AFG2A: variants seen among roughly 807,000 people sequenced by gnomAD.
The protein encoded by AFG2A is ATPase family gene 2 protein homolog A.
At chr4:123,193,997 A>G in the AFG2A span, among the ~76,000 whole-genome samples, 3 of 152,234 alleles carry the variant, frequency 2.0e-5, no homozygotes, top group Non-Finnish European at 4.4e-5. Context: ...TTGAAAGGAA[A>G]GGTATTGTGT....
chr4:123,148,769 ATT>A, the AFG2A span, among the ~76,000 whole-genome samples: 11 of 136,814 alleles, frequency 8.0e-5, no homozygotes, highest in Admixed American at 7.4e-5. Context: ...CACACACTCT[ATT>A]TTTTTTTTTT....
At chr4:123,139,119 G>A in the AFG2A span, among the ~76,000 whole-genome samples, 5 of 152,064 alleles carry the variant, frequency 3.3e-5, no homozygotes, top group Non-Finnish European at 5.9e-5. Flanking sequence ...AGATAAAACA[G>A]ATGTAAATAT....
chr4:123,076,561 GT>G, the AFG2A span, among the ~76,000 whole-genome samples: 2 of 139,448 alleles, frequency 1.4e-5, no homozygotes, highest in African/African-American at 2.7e-5. Flanking sequence ...ATTTTTATTT[GT>G]TTTTTTTAGA....
the AFG2A span, among the ~76,000 whole-genome samples, chr4:122,994,351 T>C: frequency 6.6e-6 from 1 of 152,116 alleles, no homozygotes; most frequent in Non-Finnish European, 1.5e-5. Context: ...TTTAGTAAGG[T>C]AAACAAAAAA....
At chr4:123,251,566 T>G in the AFG2A span, among the ~76,000 whole-genome samples, 1 of 152,136 alleles carries the variant, frequency 6.6e-6, no homozygotes, top group Non-Finnish European at 1.5e-5. Flanking sequence ...TTCCCAAAAT[T>G]TGGGGGAATA....
the AFG2A span, among the ~76,000 whole-genome samples, chr4:122,970,514 C>G: frequency 6.6e-6 from 1 of 150,656 alleles, no homozygotes; most frequent in African/African-American, 2.4e-5. Context: ...CTTTGTCACC[C>G]AGGCTGGAGT....
chr4:123,013,574 C>T, the AFG2A span, among the ~76,000 whole-genome samples: 5 of 152,130 alleles, frequency 3.3e-5, no homozygotes, highest in Admixed American at 6.5e-5. Context: ...GGGAGGGAAA[C>T]ATCACACACC....
chr4:123,101,672 G>A, the AFG2A span, among the ~76,000 whole-genome samples: 2 of 151,730 alleles, frequency 1.3e-5, no homozygotes, highest in African/African-American at 4.8e-5. Context: ...ATAGTGCTTT[G>A]GGCACAGACC....
the AFG2A span, among the ~76,000 whole-genome samples, chr4:123,170,923 C>T: frequency 6.6e-6 from 1 of 152,054 alleles, no homozygotes; most frequent in Non-Finnish European, 1.5e-5. Flanking sequence ...GGTTATTAAC[C>T]CACCTATTTA....
chr4:122,986,337 C>A, the AFG2A span, among the ~76,000 whole-genome samples: 1 of 152,262 alleles, frequency 6.6e-6, no homozygotes, highest in Non-Finnish European at 1.5e-5. Context: ...TGTTGACTTT[C>A]CGTCTTGATG....
chr4:123,200,412 G>T, the AFG2A span, among the ~76,000 whole-genome samples: 7 of 152,270 alleles, frequency 4.6e-5, no homozygotes, highest in African/African-American at 1.4e-4. Flanking sequence ...ATTCAAAAGA[G>T]CAATTTATGC....
At chr4:122,987,757 A>T in the AFG2A span, among the ~76,000 whole-genome samples, 1 of 152,076 alleles carries the variant, frequency 6.6e-6, no homozygotes, top group South Asian at 2.1e-4. Context: ...CATCTTTTAT[A>T]TGTTGTGTAT....
At chr4:123,277,510 A>G in the AFG2A span, among the ~76,000 whole-genome samples, 1 of 152,148 alleles carries the variant, frequency 6.6e-6, no homozygotes, top group African/African-American at 2.4e-5. Flanking sequence ...TTCCAGTACT[A>G]TGCTGAGTGG....
At chr4:122,954,264 C>T in the AFG2A span, among the ~76,000 whole-genome samples, 1 of 152,148 alleles carries the variant, frequency 6.6e-6, no homozygotes, top group African/African-American at 2.4e-5. Context: ...CCTCCATCCC[C>T]GTGTCCCATA....
the AFG2A span, among the ~76,000 whole-genome samples, chr4:123,082,503 T>C: frequency 6.9e-6 from 1 of 145,024 alleles, no homozygotes; most frequent in Non-Finnish European, 1.5e-5. Context: ...TGTGTGTCTC[T>C]GTCTCTCTCT....
chr4:123,063,400 A>G, the AFG2A span, among the ~76,000 whole-genome samples: 1 of 152,192 alleles, frequency 6.6e-6, no homozygotes, highest in Non-Finnish European at 1.5e-5. Context: ...GTTTTCTATG[A>G]TAACATTCAG....
chr4:123,225,721 C>A, the AFG2A span, among the ~76,000 whole-genome samples: 21 of 152,068 alleles, frequency 1.4e-4, no homozygotes, highest in South Asian at 2.1e-4. Flanking sequence ...TATGAACTTT[C>A]AAGTAGTTTT....
At chr4:123,169,919 G>A in the AFG2A span, among the ~76,000 whole-genome samples, 2 of 152,174 alleles carry the variant, frequency 1.3e-5, no homozygotes, top group South Asian at 2.1e-4. Flanking sequence ...TAAATGATTG[G>A]AACAAAGAAA....
chr4:123,012,067 G>T, the AFG2A span, among the ~76,000 whole-genome samples: 1 of 149,012 alleles, frequency 6.7e-6, no homozygotes, highest in Non-Finnish European at 1.5e-5. Flanking sequence ...TGGAGAAGGG[G>T]TGTGGGGTGC....
Sources: allele counts gnomAD v4.1 joint callset (sites outside exome capture counted in the v4.1 genomes callset), GRCh38; gene constraint gnomAD v4.1.1; transcripts MANE v1.5; gene names NCBI Gene and HGNC (gene_info 2026-07-23, HGNC 2026-07-21).